Variants in SIN3B observed in about 807,000 individuals in gnomAD.
SIN3B encodes the protein paired amphipathic helix protein Sin3b.
In SIN3B, 19 loss-of-function variants were observed where a neutral mutation model predicts 120.2. That is an observed-to-expected ratio of 0.16 (90% CI 0.11 to 0.23). The LOEUF (loss-of-function observed/expected upper bound fraction) is 0.23. Among genes scored for constraint, SIN3B ranks in the 10% least tolerant of loss-of-function variants. The probability of loss-of-function intolerance (pLI) is 1.00; values close to 1 mark genes in which losing one functional copy is unlikely to be tolerated. For missense variants in SIN3B, 1,073 were observed against 1,573.0 expected (o/e 0.68, Z 5.38); for synonymous variants, 654 against 653.2 (o/e 1.00, Z -0.02).
chr19:16,838,147 C>A (rs1034430813), intron 3 of SIN3B, among the ~76,000 whole-genome samples: 1 of 152,010 alleles, frequency 6.6e-6, no homozygotes, highest in South Asian at 2.1e-4. Context: ...CAGCCTGGCT[C>A]GGTGTGATTG....
intron 5 of SIN3B, among the ~76,000 whole-genome samples, chr19:16,849,366 A>G (rs2144592446): frequency 6.6e-6 from 1 of 152,336 alleles, no homozygotes; most frequent in South Asian, 2.1e-4. Context: ...TATGTATGTC[A>G]ATGACTGGAC....
At chr19:16,863,322 GC>G in intron 9 of SIN3B, 2 of 360,190 alleles carry the variant, frequency 5.6e-6, no homozygotes, top group Non-Finnish European at 9.9e-6. Context: ...TTTTAAGAAT[GC>G]AGTGTAACAA....
chr19:16,841,647 A>C, intron 3 of SIN3B, 121 bp from the exon 4 acceptor site: 1 of 922,148 alleles, frequency 1.1e-6, no homozygotes, highest in Non-Finnish European at 1.7e-6. Context: ...CCCTGTCTCT[A>C]ATACAGCTTG....
At chr19:16,851,627 A>C (rs1297663308) in intron 6 of SIN3B, 93 bp downstream of exon 6, 93 of 1,461,324 alleles carry the variant, frequency 6.4e-5, no homozygotes, top group Non-Finnish European at 6.2e-5. Flanking sequence ...AGGCCCCAGC[A>C]GGGGTTCGGG....
chr19:16,877,413 C>T (rs925954851), intron 16 of SIN3B, 132 bp from the exon 17 acceptor site: 3 of 655,854 alleles, frequency 4.6e-6, no homozygotes, highest in Admixed American at 2.4e-5. Context: ...GAGTCCTCTG[C>T]AGCGGCTCTC....
chr19:16,844,400 A>G (rs1971454963), intron 4 of SIN3B, among the ~76,000 whole-genome samples: 3 of 152,192 alleles, frequency 2.0e-5, no homozygotes. Flanking sequence ...TCTTATCCGT[A>G]AAATGGCCAC....
rs1439037670 is a variant in SIN3B, at chr19:16,878,527, C to G, written c.3193C>G (p.Gln1065Glu). The G allele has an allele frequency of 1.1e-5, 18 of 1,592,486 alleles. No homozygotes were observed. The highest frequency in any genetic ancestry group is 1.5e-5 in the Non-Finnish European group (18 of 1,170,008). Residue 1065 changes from glutamine (Q) to glutamate (E), a missense_variant, in exon 19 of 19, where the codon CAG becomes GAG. Physicochemically the swap from Gln to Glu is conservative, Grantham distance 29. Around this residue, in one of 7 missense-constraint regions of SIN3B, gnomAD observed 311 missense variants for 400.3 expected, o/e 0.78. Transcript: ENST00000248054. ...VQPLVLLRHH[Q>E]HFEEWHSRWL... is the part of the protein sequence containing the mutation. ...GCCCCTGGTCCTGCTCCGCCACCAC[C>G]AGCACTTTGAGGAGTGGCACAGCCG...
At chr19:16,857,019 G>T (rs950212324) in intron 8 of SIN3B, among the ~76,000 whole-genome samples, 1 of 152,098 alleles carries the variant, frequency 6.6e-6, no homozygotes, top group African/African-American at 2.4e-5. Context: ...AGATAACTTT[G>T]CCATGAAGCA....
At position 16,871,590 on chromosome 19, in the gene SIN3B, C is replaced by T. The variant is rs2051512455; in HGVS notation, c.2592+192C>T. 5.2e-6 allele frequency: 3 copies of T among 572,504 alleles called. No homozygotes were observed. The South Asian group carries it at 6.4e-5, about 12-fold the overall frequency. The allele number at this position is 572,504 out of a possible 1,614,324, so 35.5% of individuals were successfully genotyped here. ...ACAGTTTGGTAACATTTGGTACATT[C>T]ACAATATTGTGCAACCACCACCTCT... On this transcript the variant is annotated intron_variant, in intron 14 of 18. Transcript: ENST00000248054.
Position 16,847,123 on chromosome 19 carries a change from G to C in SIN3B, c.726+10G>C. 1 of 1,604,180 alleles carries C rather than the reference G, an allele frequency of 6.2e-7. No individual in the cohort carries two copies. The highest frequency in any genetic ancestry group is 1.1e-5 in the South Asian group (1 of 90,686). On this transcript the variant is annotated intron_variant, in intron 5 of 18. Transcript: ENST00000248054. ...AGCCAAGCGGTCTCTGGTGAGTGCC[G>C]AGAGCCCCTGCCCAGCCTCGGGGGC...
At chr19:16,856,587 T>C (rs150218276) in intron 8 of SIN3B, among the ~76,000 whole-genome samples, 1,967 of 152,208 alleles carry the variant, frequency 0.013, 42 homozygotes, top group African/African-American at 0.045. Context: ...TTTTTTTTTT[T>C]TCAAGACAGA....
At position 16,854,127 on chromosome 19, in the gene SIN3B, A is replaced by T. The variant is rs1428445799; in HGVS notation, c.940-16A>T. 3.1e-6 allele frequency: 5 copies of T among 1,598,854 alleles called. No homozygotes were observed. In the South Asian group the frequency reaches 5.5e-5, roughly 18 times the overall value. ...GAGCAGGGGTTCACAGTGGTCCCTGACTGCTCTCTCTGCAGGTCCGCCGGG... is the reference window on the plus strand; with the variant it reads ...GAGCAGGGGTTCACAGTGGTCCCTGTCTGCTCTCTCTGCAGGTCCGCCGGG... On this transcript the variant is annotated splice_polypyrimidine_tract_variant and intron_variant, in intron 7 of 18. Coordinates refer to ENST00000248054, the MANE Select transcript of SIN3B (RefSeq NM_001297595.2).
Position 16,862,575 on chromosome 19 carries a change from G to T in SIN3B, c.1266+16G>T, listed in dbSNP as rs1199134961. ...CTGCAAGGAGGTAGCGCTCCCTGGG[G>T]CTCAAATGTTCGTTGACATGGTGCA... On this transcript the variant is annotated intron_variant, in intron 9 of 18. Transcript: ENST00000248054. This position sits in a 1 kb window ranked among gnomAD's most constrained non-coding sequence, Gnocchi z 4.7. The T allele has an allele frequency of 2.5e-6, 4 of 1,606,512 alleles. No homozygotes were observed. The highest frequency in any genetic ancestry group is 2.5e-6 in the Non-Finnish European group (3 of 1,176,986).
At chr19:16,840,360 C>T (rs879863052) in intron 3 of SIN3B, among the ~76,000 whole-genome samples, 4 of 152,138 alleles carry the variant, frequency 2.6e-5, no homozygotes, top group Non-Finnish European at 5.9e-5. Context: ...CACATGAGGA[C>T]ACAGACAGTG....
At chr19:16,863,948 G>A (rs1291394261) in intron 10 of SIN3B, 152 bp downstream of exon 10, 2 of 611,094 alleles carry the variant, frequency 3.3e-6, no homozygotes, top group East Asian at 2.8e-5. Flanking sequence ...TTCCTGCCGG[G>A]TCTTGCTGGC....
At position 16,851,736 on chromosome 19, in the gene SIN3B, A is replaced by G. The variant is rs559821434; in HGVS notation, c.849+202A>G. Among the ~76,000 whole-genome samples the G allele has an allele frequency of 6.6e-5, 10 of 152,258 alleles. No homozygotes were observed. In the South Asian group the frequency reaches 1.9e-3, roughly 28 times the overall value. On this transcript the variant is annotated intron_variant, in intron 6 of 18. Coordinates refer to ENST00000248054, the MANE Select transcript of SIN3B (RefSeq NM_001297595.2). The stretch of plus-strand genomic sequence containing the variant: ...TCTTCCGTTCTCCCTGTCCTGTGAG[A>G]TTGTTTTGAAAAGGAGGAGGAGGAA...
chr19:16,851,108 G>A (rs967646365), intron 5 of SIN3B, among the ~76,000 whole-genome samples: 10 of 152,026 alleles, frequency 6.6e-5, no homozygotes, highest in South Asian at 2.1e-4. Context: ...ATGAGCCCCC[G>A]CACGGGAAGA....
At chr19:16,861,971 G>A (rs899584410) in intron 8 of SIN3B, among the ~76,000 whole-genome samples, 1 of 152,186 alleles carries the variant, frequency 6.6e-6, no homozygotes, top group Non-Finnish European at 1.5e-5. Flanking sequence ...AACACAGGCA[G>A]TGTGCAGACT....
At chr19:16,848,946 C>A (rs1011431501) in intron 5 of SIN3B, among the ~76,000 whole-genome samples, 1 of 152,216 alleles carries the variant, frequency 6.6e-6, no homozygotes. Context: ...TCCATGGTTT[C>A]TTTAAGTGGC....
Sources: allele counts gnomAD v4.1 joint callset (sites outside exome capture counted in the v4.1 genomes callset), GRCh38; gene constraint gnomAD v4.1.1; regional missense constraint gnomAD v4.1.1; non-coding constraint Gnocchi (gnomAD v3.1); transcripts MANE v1.5; gene names NCBI Gene and HGNC (gene_info 2026-07-23, HGNC 2026-07-21).